ADCY9: variants seen among roughly 807,000 people sequenced by gnomAD.
ADCY9 encodes the protein adenylate cyclase type 9.
Under a neutral mutation model 101.5 loss-of-function variants are expected in ADCY9, and 50 were observed. The ratio of observed to expected loss-of-function variants is 0.49; its 90% CI spans 0.39 to 0.62. The LOEUF (loss-of-function observed/expected upper bound fraction) is 0.62. ADCY9 is among the 20% of genes least tolerant of loss of function. ADCY9 has a pLI of 0.00. For synonymous variants in ADCY9, 905 were observed against 769.3 expected (o/e 1.18, Z -2.92); for missense variants, 1,662 against 1,800.4 (o/e 0.92, Z 1.39).
chr16:4,088,370 T>C (rs1251349508), intron 2 of ADCY9, among the ~76,000 whole-genome samples: 1 of 151,912 alleles, frequency 6.6e-6, no homozygotes, highest in Non-Finnish European at 1.5e-5. Flanking sequence ...CAGCTCACTG[T>C]AGCCTCAACT....
At chr16:4,027,400 T>C (rs2056523230) in intron 2 of ADCY9, among the ~76,000 whole-genome samples, 1 of 152,234 alleles carries the variant, frequency 6.6e-6, no homozygotes, top group Admixed American at 6.5e-5. Flanking sequence ...GTTTTCACAC[T>C]GTTCATAAAG....
At chr16:4,087,209 A>T (rs1050015963) in intron 2 of ADCY9, among the ~76,000 whole-genome samples, 5 of 151,800 alleles carry the variant, frequency 3.3e-5, no homozygotes, top group African/African-American at 4.8e-5. Context: ...TTTTGTATGG[A>T]GATTCGTTTG....
intron 2 of ADCY9, among the ~76,000 whole-genome samples, chr16:4,046,325 G>A (rs1222796661): frequency 6.7e-6 from 1 of 150,284 alleles, no homozygotes; most frequent in African/African-American, 2.5e-5. Context: ...TTCCCCCCAC[G>A]CCCCCGAACT....
chr16:4,004,923 T>C (rs1341318150), intron 3 of ADCY9, among the ~76,000 whole-genome samples: 13 of 152,202 alleles, frequency 8.5e-5, no homozygotes, highest in Admixed American at 8.5e-4. Flanking sequence ...AATCTACGCA[T>C]GCTCCTTCAG....
At chr16:4,110,184 G>A (rs1597233657) in intron 2 of ADCY9, among the ~76,000 whole-genome samples, 2 of 152,158 alleles carry the variant, frequency 1.3e-5, no homozygotes, top group East Asian at 3.9e-4. Context: ...CCCCAAAGTG[G>A]GGCCGAGCCC....
At chr16:4,093,457 GC>G (rs1188907218) in intron 2 of ADCY9, among the ~76,000 whole-genome samples, 3 of 152,112 alleles carry the variant, frequency 2.0e-5, no homozygotes, top group African/African-American at 7.2e-5. Flanking sequence ...ATGGAATCAC[GC>G]CTTTCAGGAA....
intron 2 of ADCY9, among the ~76,000 whole-genome samples, chr16:4,063,780 A>C (rs926960995): frequency 8.6e-5 from 13 of 152,022 alleles, no homozygotes; most frequent in Non-Finnish European, 1.6e-4. Flanking sequence ...ACTAAATCCC[A>C]AAAAAAGCAG....
chr16:4,042,806 A>G (rs1373544089), intron 2 of ADCY9, among the ~76,000 whole-genome samples: 1 of 152,246 alleles, frequency 6.6e-6, no homozygotes, highest in East Asian at 1.9e-4. Context: ...CTTTACCTAT[A>G]AAATGCTTTC....
chr16:4,101,943 A>T (rs945120359), intron 2 of ADCY9, among the ~76,000 whole-genome samples: 2 of 152,168 alleles, frequency 1.3e-5, no homozygotes, highest in Non-Finnish European at 2.9e-5. Context: ...CGGCAGCTAG[A>T]GTTTAACCAG....
Position 3,956,503 on chromosome 16 carries a change from T to TTTTTTTTTTTTTTTTG in ADCY9, c.568-2988_568-2987insCAAAAAAAAAAAAAAA, listed in dbSNP as rs55792938. 4.9e-4 allele frequency among the ~76,000 whole-genome samples: 34 copies of TTTTTTTTTTTTTTTTG among 69,568 alleles called. 4 individuals carry two copies. The highest frequency in any genetic ancestry group is 1.3e-3 in the African/African-American group (32 of 24,758). 45.6% of individuals were successfully genotyped at this position (69,568 alleles called of 152,430 possible). ...GCGCAATGAGCTTTTTTTTTTTTTT[T>TTTTTTTTTTTTTTTTG]GGGGGGGGATGGAGTCTCCCTCTGT... is the stretch of plus-strand genomic sequence containing the variant. On this transcript the variant is annotated intron_variant, in intron 5 of 5. Transcript: ENST00000576936.
Position 3,965,539 on chromosome 16 carries a change from A to G in ADCY9, c.*236T>C. The G allele has an allele frequency of 1.8e-6, 1 of 567,654 alleles. No individual in the cohort carries two copies. Among genetic ancestry groups the G allele is most frequent in the Non-Finnish European group, 3.1e-6 (1 of 321,528 alleles). The allele number at this position is 567,654 out of a possible 1,614,324, so 35.2% of individuals were successfully genotyped here. On this transcript the variant is annotated 3_prime_UTR_variant, in exon 11 of 11. Coordinates refer to ENST00000294016, the MANE Select transcript of ADCY9 (RefSeq NM_001116.4). Reference sequence around the variant, plus strand: ...GCCCTGAAGGCACTTGTTCTCCACCACGTGCTGAACGGATGACCCAGAGGC... The same window carrying G: ...GCCCTGAAGGCACTTGTTCTCCACCGCGTGCTGAACGGATGACCCAGAGGC...
chr16:4,050,291 TTA>T (rs2056692441), intron 2 of ADCY9, among the ~76,000 whole-genome samples: 1 of 152,194 alleles, frequency 6.6e-6, no homozygotes, highest in Non-Finnish European at 1.5e-5. Context: ...ATCATGATTT[TTA>T]TATGAGATGA....
At chr16:4,110,151 A>G (rs1385063654) in intron 2 of ADCY9, among the ~76,000 whole-genome samples, 1 of 152,208 alleles carries the variant, frequency 6.6e-6, no homozygotes, top group Non-Finnish European at 1.5e-5. Context: ...GAGGTTGGGA[A>G]CTATTAACGC....
intron 7 of ADCY9, among the ~76,000 whole-genome samples, chr16:3,980,681 C>G (rs919963671): frequency 6.6e-6 from 1 of 152,228 alleles, no homozygotes; most frequent in Non-Finnish European, 1.5e-5. Context: ...CAGCCTCACC[C>G]TTTTAGGGTC....
chr16:4,021,107 A>G (rs998892920), intron 2 of ADCY9, among the ~76,000 whole-genome samples: 1 of 152,194 alleles, frequency 6.6e-6, no homozygotes, highest in African/African-American at 2.4e-5. Flanking sequence ...AAATTTTACT[A>G]TGTGAGTTTA....
In ADCY9 at chr16:4,114,355, G is replaced by T. The variant is rs1567153968; in HGVS notation, c.1088C>A (p.Thr363Asn). The change falls in exon 2 of 11, where the codon ACC becomes AAC. Residue 363 changes from threonine (T) to asparagine (N), a missense_variant. This residue lies in a region of ADCY9 where 228 missense variants were observed against 301.1 expected (regional missense o/e 0.76). Transcript: ENST00000294016. This position sits in a 1 kb window ranked among gnomAD's most constrained non-coding sequence, Gnocchi z 4.3. ...TTTCTTCCTGTTCTTGGGGCTCGAG[G>T]TGGCATGCCTCTTGACAGAATTCTC... ...ESENSVKRHA[T>N]SSPKNRKKKS... 9 of 1,614,020 alleles carry T rather than the reference G, an allele frequency of 5.6e-6. No individual in the cohort carries two copies. Among genetic ancestry groups the T allele is most frequent in the Non-Finnish European group, 7.6e-6 (9 of 1,180,030 alleles).
At chr16:3,982,986 T>A in intron 7 of ADCY9, 1 of 541,700 alleles carries the variant, frequency 1.8e-6, no homozygotes, top group Non-Finnish European at 3.3e-6. Flanking sequence ...GGGGACAAGC[T>A]GGCAGCGGTT....
chr16:4,041,530 A>AG (rs1555511448), intron 2 of ADCY9, among the ~76,000 whole-genome samples: 1,504 of 120,764 alleles, frequency 0.012, 28 homozygotes, highest in African/African-American at 0.045. Context: ...AAAAAAAAAG[A>AG]GGCTCTTTCT....
chr16:4,114,413 C>A lies in ADCY9; in HGVS notation c.1030G>T (p.Asp344Tyr), dbSNP rs779690355. 3 of 1,614,138 alleles carry A rather than the reference C, an allele frequency of 1.9e-6. No individual in the cohort carries two copies. The highest frequency in any genetic ancestry group is 2.5e-6 in the Non-Finnish European group (3 of 1,180,038). Reference protein sequence around the residue: ...IHSVMPRIIADDLMKQGDEES... With the variant: ...IHSVMPRIIAYDLMKQGDEES... ...TCATCTCCCTGCTTCATTAAGTCAT[C>A]GGCTATGATTCTTGGCATCACGGAA... The change falls in exon 2 of 11, where the codon GAT (aspartate) becomes TAT (tyrosine). Residue 344 changes from aspartate to tyrosine, a missense_variant. By Grantham distance (160) the Asp-to-Tyr change is radical (BLOSUM62 -3). Transcript: ENST00000294016. The surrounding 1 kb of genome is among the most constrained non-coding windows in gnomAD (Gnocchi z 4.3).
Sources: gnomAD v4.1 joint callset for allele counts (sites outside exome capture counted in the v4.1 genomes callset) on GRCh38, gnomAD v4.1.1 for gene constraint, gnomAD v4.1.1 regional missense constraint, Gnocchi (gnomAD v3.1) non-coding constraint, MANE v1.5 for transcripts, NCBI Gene and HGNC (gene_info 2026-07-23, HGNC 2026-07-21) for gene names.